Variants in CTNNBL1 observed in about 807,000 individuals in gnomAD.
CTNNBL1 encodes catenin beta like 1.
CTNNBL1 carries 31 observed loss-of-function variants against 72.7 expected under a neutral mutation model. The ratio of observed to expected loss-of-function variants is 0.43; its 90% CI spans 0.32 to 0.58. The LOEUF (loss-of-function observed/expected upper bound fraction) is 0.58, where lower values mean the gene tolerates loss of function less well. Ranked by LOEUF, CTNNBL1 falls within the 20% of genes least tolerant of loss-of-function variation. The pLI, the probability that CTNNBL1 is intolerant of heterozygous loss-of-function variation, is 0.08. For missense variants in CTNNBL1, 534 were observed against 725.1 expected, an observed-to-expected ratio of 0.74 and a Z score of 3.03; for synonymous variants, 240 against 267.3, an observed-to-expected ratio of 0.90 and a Z score of 1.00.
intron 1 of CTNNBL1, among the ~76,000 whole-genome samples, chr20:37,724,146 A>G (rs2073063575): frequency 6.6e-6 from 1 of 152,200 alleles, no homozygotes. Flanking sequence ...ATGCATCCAC[A>G]AGCGGGTTTG....
chr20:37,704,938 T>G (rs2072873096), intron 1 of CTNNBL1, among the ~76,000 whole-genome samples: 1 of 152,242 alleles, frequency 6.6e-6, no homozygotes, highest in South Asian at 2.1e-4. Context: ...AGCCATGTCT[T>G]TCTGCAGTCT....
chr20:37,728,188 C>T (rs752964000), intron 1 of CTNNBL1, among the ~76,000 whole-genome samples: 6 of 152,108 alleles, frequency 3.9e-5, no homozygotes, highest in Admixed American at 6.5e-5. Flanking sequence ...TTGGGCCAGT[C>T]TGTATTGAGA....
At chr20:37,772,053 G>A (rs747890885) in intron 7 of CTNNBL1, among the ~76,000 whole-genome samples, 18 of 152,144 alleles carry the variant, frequency 1.2e-4, no homozygotes, top group Admixed American at 8.5e-4. Flanking sequence ...TGTGATGCTC[G>A]CCCTCATGGA....
chr20:37,711,330 C>T (rs77132864), intron 1 of CTNNBL1, among the ~76,000 whole-genome samples: 5,420 of 151,946 alleles, frequency 0.036, 292 homozygotes, highest in African/African-American at 0.12. Context: ...TGCTGCTAGT[C>T]AGGCTGTGAG....
chr20:37,862,336 T>C (rs1327398875), intron 15 of CTNNBL1, among the ~76,000 whole-genome samples: 2 of 152,180 alleles, frequency 1.3e-5, no homozygotes, highest in Non-Finnish European at 2.9e-5. Context: ...TCTACTATCT[T>C]GCATTGAGCC....
At chr20:37,853,788 C>T (rs534980272) in intron 13 of CTNNBL1, among the ~76,000 whole-genome samples, 1 of 152,292 alleles carries the variant, frequency 6.6e-6, no homozygotes, top group Non-Finnish European at 1.5e-5. Flanking sequence ...ATTTTATTTC[C>T]TTTTAAACAC....
At chr20:37,742,052 G>A (rs2073221087) in intron 3 of CTNNBL1, among the ~76,000 whole-genome samples, 2 of 151,910 alleles carry the variant, frequency 1.3e-5, no homozygotes, top group African/African-American at 4.8e-5. Context: ...TCCAAAGAAA[G>A]CTATTCCATC....
At chr20:37,730,773 T>G (rs2073121734) in intron 1 of CTNNBL1, among the ~76,000 whole-genome samples, 1 of 152,148 alleles carries the variant, frequency 6.6e-6, no homozygotes, top group Admixed American at 6.6e-5. Flanking sequence ...GCCCAGAAGT[T>G]CAGGTCCAGC....
chr20:37,733,973 C>G lies in CTNNBL1; in HGVS notation c.219+906C>G, dbSNP rs577036847. 7.2e-5 allele frequency among the ~76,000 whole-genome samples: 11 copies of G among 152,206 alleles called. No homozygotes were observed. In the South Asian group the frequency reaches 2.3e-3, roughly 32 times the overall value. ...GCTGGGAAGAGTAGAGGTAAAATAT[C>G]AGTGATTAAAAACAAAATGACCTTA... On this transcript the variant is annotated intron_variant, in intron 2 of 15. Transcript: ENST00000361383.
At chr20:37,867,716 C>T (rs906540723) in intron 15 of CTNNBL1, among the ~76,000 whole-genome samples, 3 of 152,098 alleles carry the variant, frequency 2.0e-5, no homozygotes, top group Non-Finnish European at 2.9e-5. Flanking sequence ...CACGCACACA[C>T]GCACACACAC....
intron 15 of CTNNBL1, among the ~76,000 whole-genome samples, chr20:37,865,910 G>C (rs760455697): frequency 6.6e-6 from 1 of 152,214 alleles, no homozygotes; most frequent in Non-Finnish European, 1.5e-5. Context: ...TTTGATTTGC[G>C]AGTATTCTTT....
At chr20:37,767,164 A>G (rs1487866978) in intron 6 of CTNNBL1, among the ~76,000 whole-genome samples, 1 of 152,162 alleles carries the variant, frequency 6.6e-6, no homozygotes, top group Non-Finnish European at 1.5e-5. Context: ...ACAGAAGTGT[A>G]TCTGTTTCAT....
At chr20:37,838,233 G>T (rs547427759) in intron 11 of CTNNBL1, among the ~76,000 whole-genome samples, 1 of 152,326 alleles carries the variant, frequency 6.6e-6, no homozygotes, top group South Asian at 2.1e-4. Context: ...CCTGACGTTA[G>T]GTGTTAACCT....
At chr20:37,805,755 G>T (rs982393684) in intron 11 of CTNNBL1, among the ~76,000 whole-genome samples, 1 of 152,110 alleles carries the variant, frequency 6.6e-6, no homozygotes, top group African/African-American at 2.4e-5. Flanking sequence ...CGTAGACTAG[G>T]ATAGAATCTT....
chr20:37,829,021 C>A (rs2072185162), intron 11 of CTNNBL1, among the ~76,000 whole-genome samples: 1 of 152,186 alleles, frequency 6.6e-6, no homozygotes, highest in Admixed American at 6.5e-5. Flanking sequence ...CACACCACTG[C>A]TGAAGTCAAG....
intron 11 of CTNNBL1, among the ~76,000 whole-genome samples, chr20:37,814,994 A>AC: frequency 6.6e-6 from 1 of 152,002 alleles, no homozygotes; most frequent in Middle Eastern, 3.4e-3. Flanking sequence ...AGTAAAAATC[A>AC]CCCCCAATCC....
At chr20:37,718,573 A>G (rs8120299) in intron 1 of CTNNBL1, among the ~76,000 whole-genome samples, 1 of 139,080 alleles carries the variant, frequency 7.2e-6, no homozygotes, top group Non-Finnish European at 1.6e-5. Flanking sequence ...GACAGGGCGG[A>G]TGGCCGGGCG....
chr20:37,806,796 T>C (rs1399388310), intron 11 of CTNNBL1, among the ~76,000 whole-genome samples: 2 of 152,222 alleles, frequency 1.3e-5, no homozygotes, highest in Non-Finnish European at 2.9e-5. Flanking sequence ...AGGCCAATCA[T>C]CTGTCCAATC....
chr20:37,823,395 G>A (rs1164579155), intron 11 of CTNNBL1, among the ~76,000 whole-genome samples: 1 of 152,240 alleles, frequency 6.6e-6, no homozygotes, highest in African/African-American at 2.4e-5. Context: ...CCTTGGGTCT[G>A]CAGCAAGTTT....
Sources: allele counts gnomAD v4.1 joint callset (sites outside exome capture counted in the v4.1 genomes callset), GRCh38; gene constraint gnomAD v4.1.1; transcripts MANE v1.5; gene names NCBI Gene and HGNC (gene_info 2026-07-23, HGNC 2026-07-21).